Variants in ZNF385D observed in about 807,000 individuals in gnomAD.
ZNF385D encodes the protein zinc finger protein 385D, also known as zinc finger protein 659.
A neutral mutation model predicts 35.8 loss-of-function variants in ZNF385D; 15 were observed. That is an observed-to-expected ratio of 0.42 (90% CI 0.28 to 0.64). The LOEUF (loss-of-function observed/expected upper bound fraction) is 0.64. Among genes scored for constraint, ZNF385D ranks in the 30% least tolerant of loss-of-function variants. The probability of loss-of-function intolerance (pLI) is 0.23; values close to 1 mark genes in which losing one functional copy is unlikely to be tolerated. For missense variants in ZNF385D, 474 were observed against 494.6 expected, an observed-to-expected ratio of 0.96 and a Z score of 0.39; for synonymous variants, 212 against 186.8, an observed-to-expected ratio of 1.13 and a Z score of -1.10.
At chr3:21,987,432 T>C (rs1196949129) in intron 3 of ZNF385D, among the ~76,000 whole-genome samples, 1 of 118,314 alleles carries the variant, frequency 8.5e-6, no homozygotes, top group African/African-American at 4.8e-5. Flanking sequence ...TTATGAAGCT[T>C]AGTTTGGCTG....
intron 2 of ZNF385D, among the ~76,000 whole-genome samples, chr3:22,364,223 C>A (rs1696548089): frequency 6.6e-6 from 1 of 151,908 alleles, no homozygotes; most frequent in Non-Finnish European, 1.5e-5. Flanking sequence ...GATATGACAT[C>A]AAAGGCACTT....
intron 3 of ZNF385D, among the ~76,000 whole-genome samples, chr3:21,870,121 A>G (rs1697607216): frequency 6.6e-6 from 1 of 152,126 alleles, no homozygotes; most frequent in African/African-American, 2.4e-5. Context: ...ATAACTGCAG[A>G]TTTAAGGAAA....
intron 1 of ZNF385D, among the ~76,000 whole-genome samples, chr3:21,698,925 C>T (rs1419578031): frequency 5.3e-5 from 8 of 152,096 alleles, no homozygotes; most frequent in Non-Finnish European, 1.5e-5. Flanking sequence ...CTGTGGAAGA[C>T]GCTGTGGCAA....
chr3:21,861,634 T>C (rs1243023832), intron 3 of ZNF385D, among the ~76,000 whole-genome samples: 1 of 152,154 alleles, frequency 6.6e-6, no homozygotes. Flanking sequence ...GGGAGAATCC[T>C]TTTAATAGCC....
At position 21,412,404 on chromosome 3, in the gene ZNF385D, A is replaced by T. The variant is rs1215207625; in HGVS notation, c.*8810T>A. 1 of 152,060 alleles carries T rather than the reference A, an allele frequency of 6.6e-6. No homozygotes were observed. Among genetic ancestry groups the T allele is most frequent in the Non-Finnish European group, 1.5e-5 (1 of 67,978 alleles). 9.4% of individuals were successfully genotyped at this position (152,060 alleles called of 1,614,324 possible). ...AAACAAGTGGAATAGAACATAGAGA[A>T]TACATAATTTGTTCTAATATTCCTC... On this transcript the variant is annotated 3_prime_UTR_variant, in exon 8 of 8. Transcript: ENST00000281523.
chr3:22,143,726 TTA>T lies in ZNF385D; in HGVS notation c.325+25089_325+25090del, dbSNP rs368836374. Among the ~76,000 whole-genome samples, 162 of 152,310 alleles carry T rather than the reference TTA, an allele frequency of 1.1e-3. 1 individual carries two copies. Among genetic ancestry groups the T allele is most frequent in the African/African-American group, 3.8e-3 (159 of 41,574 alleles). Reference sequence around the variant, plus strand: ...ATTCCTCCAAAATTTTTACTTAAGATTATGTTCTTAATTTAAACAATTTTATT... The same window carrying T: ...ATTCCTCCAAAATTTTTACTTAAGATTGTTCTTAATTTAAACAATTTTATT... On this transcript the variant is annotated intron_variant, in intron 3 of 5. Transcript: ENST00000494108.
intron 3 of ZNF385D, among the ~76,000 whole-genome samples, chr3:21,909,347 A>G (rs1324492728): frequency 6.6e-6 from 1 of 152,000 alleles, no homozygotes; most frequent in Non-Finnish European, 1.5e-5. Context: ...AATAACTCTC[A>G]TGGCTGAGAA....
rs570611622 is a variant in ZNF385D at position 22,185,671 on chromosome 3, T to G, written c.107-16636A>C. Among the ~76,000 whole-genome samples, 50 of 152,328 alleles carry G rather than the reference T, an allele frequency of 3.3e-4. 1 individual carries two copies. Among genetic ancestry groups the G allele is most frequent in the African/African-American group, 1.1e-3 (47 of 41,586 alleles). ...TTAGTAGAGATAGCGATTCACCATC[T>G]TGGCCAGGCTGGTCTTGAACTCCTA... is the stretch of plus-strand genomic sequence containing the variant. On this transcript the variant is annotated intron_variant, in intron 2 of 5. Transcript: ENST00000494108.
At chr3:21,760,478 T>G (rs1575602908) in intron 3 of ZNF385D, among the ~76,000 whole-genome samples, 2 of 152,362 alleles carry the variant, frequency 1.3e-5, no homozygotes, top group Admixed American at 1.3e-4. Context: ...TGAACTTTTA[T>G]GCAGTGGGAC....
chr3:21,627,249 GTGTGT>G (rs1559471108), intron 2 of ZNF385D, among the ~76,000 whole-genome samples: 67 of 51,952 alleles, frequency 1.3e-3, no homozygotes, highest in Middle Eastern at 0.013. Context: ...GGTGTAGGGT[GTGTGT>G]GTGTGTGTGT....
chr3:22,364,009 A>T (rs1696535954), intron 2 of ZNF385D, among the ~76,000 whole-genome samples: 1 of 152,134 alleles, frequency 6.6e-6, no homozygotes, highest in Non-Finnish European at 1.5e-5. Context: ...TAAATGAATC[A>T]TCCTTTATGG....
chr3:22,079,023 A>C (rs1700608145), intron 3 of ZNF385D, among the ~76,000 whole-genome samples: 1 of 152,086 alleles, frequency 6.6e-6, no homozygotes, highest in Non-Finnish European at 1.5e-5. Flanking sequence ...GTTTTAGAAT[A>C]ACCAGAGCTT....
intron 3 of ZNF385D, among the ~76,000 whole-genome samples, chr3:21,908,164 ATC>A (rs201382336): frequency 9.4e-5 from 14 of 148,820 alleles, no homozygotes; most frequent in African/African-American, 3.0e-4. Flanking sequence ...CTATCTATCT[ATC>A]TATCTATATA....
intron 3 of ZNF385D, among the ~76,000 whole-genome samples, chr3:21,769,194 C>T (rs1380556836): frequency 6.6e-6 from 1 of 152,010 alleles, no homozygotes; most frequent in Non-Finnish European, 1.5e-5. Flanking sequence ...TGCCCTCTCT[C>T]TCCACTCCTA....
chr3:21,793,096 T>A, intron 3 of ZNF385D, among the ~76,000 whole-genome samples: 1 of 152,180 alleles, frequency 6.6e-6, no homozygotes, highest in East Asian at 1.9e-4. Context: ...TGAAATAATC[T>A]TACTACAAAA....
Position 21,994,376 on chromosome 3 carries a change from G to A in ZNF385D, c.325+174441C>T, listed in dbSNP as rs79276150. The stretch of plus-strand genomic sequence containing the variant: ...TTATTCACCGAATTCTTTAGTTCCA[G>A]AATTTATGGGTTTTAAAAATCATAT... On this transcript the variant is annotated intron_variant, in intron 3 of 5. Coordinates refer to the ZNF385D transcript ENST00000494108. Among the ~76,000 whole-genome samples, 388 of 152,220 alleles carry A rather than the reference G, an allele frequency of 2.5e-3. 2 individuals carry two copies. The highest frequency in any genetic ancestry group is 8.9e-3 in the African/African-American group (370 of 41,546).
intron 3 of ZNF385D, among the ~76,000 whole-genome samples, chr3:22,118,663 T>C (rs1462741945): frequency 1.3e-5 from 2 of 152,092 alleles, no homozygotes; most frequent in Non-Finnish European, 2.9e-5. Flanking sequence ...AAGAACAGCC[T>C]CTCGATGGTT....
chr3:21,609,319 A>G (rs148160882), intron 2 of ZNF385D, among the ~76,000 whole-genome samples: 38 of 152,322 alleles, frequency 2.5e-4, no homozygotes, highest in African/African-American at 8.4e-4. Context: ...TTCAGATTTC[A>G]ATCTCTGGGC....
At chr3:22,258,903 G>A (rs1400811760) in intron 2 of ZNF385D, among the ~76,000 whole-genome samples, 3 of 151,878 alleles carry the variant, frequency 2.0e-5, no homozygotes, top group East Asian at 3.9e-4. Flanking sequence ...TGCTGTGCTT[G>A]AAGTTTATGG....
Sources: allele counts gnomAD v4.1 joint callset (sites outside exome capture counted in the v4.1 genomes callset), GRCh38; gene constraint gnomAD v4.1.1; transcripts MANE v1.5; gene names NCBI Gene and HGNC (gene_info 2026-07-23, HGNC 2026-07-21).